Variants in BTG4 observed in about 807,000 individuals in gnomAD.
The protein encoded by BTG4 is protein BTG4.
In BTG4, 10 loss-of-function variants were observed where a neutral mutation model predicts 19.3. The observed-to-expected ratio is 0.52, with a 90% CI of 0.32 to 0.88. BTG4 has a LOEUF of 0.88. BTG4 is among the 40% of genes least tolerant of loss of function. The pLI is 0.04. For missense variants in BTG4, 238 were observed against 281.9 expected (o/e 0.84, Z 1.11); for synonymous variants, 91 against 95.7 (o/e 0.95, Z 0.29).
the BTG4 span, chr11:111,414,117 T>G: frequency 6.6e-6 from 1 of 152,218 alleles, no homozygotes; most frequent in Middle Eastern, 3.2e-3. Flanking sequence ...TGTGTGTGAT[T>G]TGAGCACGTG....
chr11:111,427,814 C>T, the BTG4 span, among the ~76,000 whole-genome samples: 1 of 152,186 alleles, frequency 6.6e-6, no homozygotes, highest in Non-Finnish European at 1.5e-5. Flanking sequence ...CCCTGACTTT[C>T]TGCACAGGCA....
intron 5 of BTG4, among the ~76,000 whole-genome samples, chr11:111,486,142 T>C (rs1865047810): frequency 6.6e-6 from 1 of 152,220 alleles, no homozygotes; most frequent in Non-Finnish European, 1.5e-5. Context: ...GCTTCACTGC[T>C]GAATTCTACC....
chr11:111,510,675 T>C (rs937730539), intron 1 of BTG4, among the ~76,000 whole-genome samples: 1 of 152,160 alleles, frequency 6.6e-6, no homozygotes, highest in African/African-American at 2.4e-5. Flanking sequence ...ACACATATTT[T>C]TTGTCGTTAT....
upstream of BTG4, chr11:111,513,096 A>G (rs1215088500): frequency 2.3e-6 from 1 of 432,462 alleles, no homozygotes; most frequent in Non-Finnish European, 5.0e-6. Flanking sequence ...GATGCCTGAG[A>G]AGCGCGGCGT....
At chr11:111,434,913 A>T in the BTG4 span, 1 of 151,986 alleles carries the variant, frequency 6.6e-6, no homozygotes, top group African/African-American at 2.4e-5. Flanking sequence ...ATCCTGCCTG[A>T]CCCTTATTCC....
chr11:111,438,061 A>G, the BTG4 span, among the ~76,000 whole-genome samples: 5 of 152,088 alleles, frequency 3.3e-5, no homozygotes, highest in Non-Finnish European at 5.9e-5. Flanking sequence ...GTCCAAGCTG[A>G]CCCTGTTATT....
the BTG4 span, chr11:111,455,752 T>C: frequency 2.2e-6 from 1 of 445,014 alleles, no homozygotes; most frequent in Non-Finnish European, 4.6e-6. Flanking sequence ...CCTGTGCCCC[T>C]GCAGGGCAGT....
the BTG4 span, among the ~76,000 whole-genome samples, chr11:111,394,537 T>G: frequency 6.6e-6 from 1 of 152,236 alleles, no homozygotes; most frequent in Non-Finnish European, 1.5e-5. Context: ...ACCAGCCACA[T>G]GGAACTGTGA....
chr11:111,513,999 G>A (rs934908327), upstream of BTG4: 1 of 153,346 alleles, frequency 6.5e-6, no homozygotes, highest in African/African-American at 2.4e-5. Flanking sequence ...AAGTGGTTAA[G>A]TTGTTCCTGC....
At chr11:111,492,806 C>T (rs1004296497), downstream of BTG4, among the ~76,000 whole-genome samples, 1 of 151,846 alleles carries the variant, frequency 6.6e-6, no homozygotes, top group African/African-American at 2.4e-5. Context: ...CAAGTGATAC[C>T]CAAAGATCAA....
chr11:111,411,560 C>T, the BTG4 span, among the ~76,000 whole-genome samples: 2 of 152,192 alleles, frequency 1.3e-5, no homozygotes, highest in African/African-American at 4.8e-5. Context: ...ATATCATGGA[C>T]ACACTATCTT....
chr11:111,392,255 G>A, the BTG4 span, among the ~76,000 whole-genome samples: 1 of 128,726 alleles, frequency 7.8e-6, no homozygotes, highest in Non-Finnish European at 1.6e-5. Flanking sequence ...TCGGCTCACT[G>A]CAAGCTCTGC....
chr11:111,497,109 T>C, intron 4 of BTG4, 102 bp downstream of exon 4: 1 of 1,196,436 alleles, frequency 8.4e-7, no homozygotes, highest in Non-Finnish European at 1.2e-6. Flanking sequence ...TCTACAGTTT[T>C]GTTCTTTCCA....
At chr11:111,402,579 C>T in the BTG4 span, among the ~76,000 whole-genome samples, 3 of 152,162 alleles carry the variant, frequency 2.0e-5, no homozygotes, top group African/African-American at 2.4e-5. Context: ...CACTAGCAGA[C>T]GCTCAACAAA....
chr11:111,405,423 AAAAAAAAAAAAAG>A, the BTG4 span, among the ~76,000 whole-genome samples: 2 of 148,632 alleles, frequency 1.3e-5, no homozygotes, highest in African/African-American at 5.1e-5. Flanking sequence ...AAAAAAAAAA[AAAAAAAAAAAAAG>A]ATGTCAGGAC....
chr11:111,424,913 G>A, the BTG4 span, among the ~76,000 whole-genome samples: 140,090 of 152,126 alleles, frequency 0.92, 64,849 homozygotes, highest in East Asian at 1. Context: ...GAGCCAGGCT[G>A]TATTAGGTAC....
rs371692237 is a variant in BTG4, at chr11:111,498,146, A to C, written c.174-11T>G. 5 of 1,613,566 alleles carry C rather than the reference A, an allele frequency of 3.1e-6. No homozygotes were observed. The highest frequency in any genetic ancestry group is 3.4e-6 in the Non-Finnish European group (4 of 1,179,880). ...TTTATCCTGATGCACCTTTTTAAAA[A>C]GCGAAGGGAAACGAAGACATGATGA... On this transcript the variant is annotated splice_polypyrimidine_tract_variant and intron_variant, in intron 2 of 4. Transcript: ENST00000692032.
At chr11:111,494,297 G>A (rs184329974), downstream of BTG4, among the ~76,000 whole-genome samples, 48 of 152,280 alleles carry the variant, frequency 3.2e-4, no homozygotes, top group African/African-American at 1.1e-3. Context: ...ACAACAGCAA[G>A]GACCTGGCTG....
At chr11:111,457,125 CA>C in the BTG4 span, 3 of 153,080 alleles carry the variant, frequency 2.0e-5, no homozygotes, top group Non-Finnish European at 4.4e-5. Context: ...CCAGTCCCAC[CA>C]CAGGTTCCCC....
Sources: gnomAD v4.1 joint callset for allele counts (sites outside exome capture counted in the v4.1 genomes callset) on GRCh38, gnomAD v4.1.1 for gene constraint, MANE v1.5 for transcripts, NCBI Gene and HGNC (gene_info 2026-07-23, HGNC 2026-07-21) for gene names.